KLF12: variants seen among roughly 807,000 people sequenced by gnomAD.
KLF12 encodes the protein Krueppel-like factor 12.
A neutral mutation model predicts 37.8 loss-of-function variants in KLF12; 9 were observed. The ratio of observed to expected loss-of-function variants is 0.24; its 90% confidence interval spans 0.14 to 0.42. The LOEUF is 0.42. Ranked by LOEUF, KLF12 falls within the 10% of genes least tolerant of loss-of-function variation. The pLI, the probability that KLF12 is intolerant of heterozygous loss-of-function variation, is 1.00. For synonymous variants in KLF12, 208 were observed against 202.1 expected (o/e 1.03, Z -0.25); for missense variants, 411 against 516.0 (o/e 0.80, Z 1.97).
chr13:74,171,023 C>T, the KLF12 span, among the ~76,000 whole-genome samples: 3 of 152,124 alleles, frequency 2.0e-5, no homozygotes, highest in African/African-American at 7.2e-5. Context: ...CCTCTGCCTC[C>T]CAAAGTTCTG....
chr13:74,099,482 T>C (rs924500446), intron 1 of KLF12, among the ~76,000 whole-genome samples: 5 of 152,234 alleles, frequency 3.3e-5, no homozygotes, highest in African/African-American at 1.2e-4. Flanking sequence ...AAGAACACTA[T>C]GTAAAATCAT....
At chr13:74,000,049 T>C (rs909147053) in intron 1 of KLF12, among the ~76,000 whole-genome samples, 8 of 152,156 alleles carry the variant, frequency 5.3e-5, no homozygotes, top group African/African-American at 1.9e-4. Context: ...ACCGGTATCA[T>C]AAGCCCTCCT....
intron 3 of KLF12, among the ~76,000 whole-genome samples, chr13:73,898,886 C>T (rs961432075): frequency 4.3e-4 from 66 of 152,302 alleles, no homozygotes; most frequent in African/African-American, 1.4e-3. Context: ...TCCCTCCTTA[C>T]GGCATTACAA....
At chr13:73,862,151 C>A (rs1885962513) in intron 3 of KLF12, among the ~76,000 whole-genome samples, 1 of 151,246 alleles carries the variant, frequency 6.6e-6, no homozygotes, top group African/African-American at 2.4e-5. Context: ...CACTAAGCAT[C>A]TGTCTTTCCA....
chr13:74,235,713 T>G, the KLF12 span, among the ~76,000 whole-genome samples: 2 of 152,180 alleles, frequency 1.3e-5, no homozygotes, highest in Non-Finnish European at 2.9e-5. Context: ...CTTTGAAGTA[T>G]GTAAGACATA....
chr13:74,251,266 C>T, the KLF12 span, among the ~76,000 whole-genome samples: 3 of 152,146 alleles, frequency 2.0e-5, no homozygotes, highest in African/African-American at 7.2e-5. Context: ...ATTCTCCTGC[C>T]CCAGCCTCTC....
At chr13:73,781,582 G>C (rs1017742333) in intron 5 of KLF12, among the ~76,000 whole-genome samples, 8 of 152,138 alleles carry the variant, frequency 5.3e-5, no homozygotes, top group Admixed American at 1.3e-4. Context: ...TAAATTTGTA[G>C]TCCCTGATTG....
At chr13:73,808,026 C>T (rs1882738784) in intron 5 of KLF12, among the ~76,000 whole-genome samples, 1 of 152,172 alleles carries the variant, frequency 6.6e-6, no homozygotes, top group South Asian at 2.1e-4. Flanking sequence ...CAAAGCTAAA[C>T]TTCACCTATT....
At chr13:74,033,791 T>A (rs1476037306) in intron 1 of KLF12, among the ~76,000 whole-genome samples, 1 of 152,160 alleles carries the variant, frequency 6.6e-6, no homozygotes, top group African/African-American at 2.4e-5. Context: ...ATTTTTGGAA[T>A]ATATTCCTAG....
chr13:74,122,661 C>G (rs1877698802), intron 1 of KLF12, among the ~76,000 whole-genome samples: 1 of 151,880 alleles, frequency 6.6e-6, no homozygotes, highest in Non-Finnish European at 1.5e-5. Context: ...AGTGAGTAGA[C>G]TATGAAATAA....
chr13:73,766,020 C>A (rs1879890302), intron 5 of KLF12, among the ~76,000 whole-genome samples: 1 of 152,236 alleles, frequency 6.6e-6, no homozygotes. Context: ...CGCCTAAGGG[C>A]CAACTGCAGT....
At chr13:74,143,709 C>T in the KLF12 span, among the ~76,000 whole-genome samples, 1 of 152,136 alleles carries the variant, frequency 6.6e-6, no homozygotes, top group Non-Finnish European at 1.5e-5. Flanking sequence ...TTCCAACCTA[C>T]AATTTTTTTA....
chr13:74,057,520 C>T (rs1468197036), intron 1 of KLF12, among the ~76,000 whole-genome samples: 1 of 152,158 alleles, frequency 6.6e-6, no homozygotes, highest in Non-Finnish European at 1.5e-5. Flanking sequence ...TAGTATAAGA[C>T]AAAATATCTA....
At chr13:74,260,578 T>A in the KLF12 span, among the ~76,000 whole-genome samples, 9 of 77,396 alleles carry the variant, frequency 1.2e-4, no homozygotes, top group African/African-American at 6.7e-4. Flanking sequence ...ATAAAATAAA[T>A]AAAATAAAAT....
intron 4 of KLF12, among the ~76,000 whole-genome samples, chr13:73,814,970 T>TC: frequency 6.6e-6 from 1 of 152,016 alleles, no homozygotes; most frequent in Non-Finnish European, 1.5e-5. Flanking sequence ...CCTATGCAAC[T>TC]ATGCTCTCAT....
chr13:73,997,673 C>T (rs1476719981), intron 1 of KLF12, among the ~76,000 whole-genome samples: 2 of 152,086 alleles, frequency 1.3e-5, no homozygotes, highest in Non-Finnish European at 2.9e-5. Flanking sequence ...AAATAGGTTT[C>T]TGAAATTATC....
intron 3 of KLF12, among the ~76,000 whole-genome samples, chr13:73,900,170 A>C (rs1430538520): frequency 6.6e-6 from 1 of 152,190 alleles, no homozygotes; most frequent in South Asian, 2.1e-4. Flanking sequence ...CAGGTTATTC[A>C]ATAATCTGAC....
chr13:73,814,765 A>T (rs1422568261), intron 4 of KLF12, among the ~76,000 whole-genome samples: 1 of 151,960 alleles, frequency 6.6e-6, no homozygotes, highest in African/African-American at 2.4e-5. Flanking sequence ...GGGGCGGGGG[A>T]TAGGGAGGGT....
chr13:73,760,100 GAC>G (rs1879449048), intron 6 of KLF12, among the ~76,000 whole-genome samples: 1 of 152,006 alleles, frequency 6.6e-6, no homozygotes, highest in South Asian at 2.1e-4. Context: ...AAAAATTTGT[GAC>G]ACAGAACTTT....
Sources: gnomAD v4.1 joint callset for allele counts (sites outside exome capture counted in the v4.1 genomes callset) on GRCh38, gnomAD v4.1.1 for gene constraint, MANE v1.5 for transcripts, NCBI Gene and HGNC (gene_info 2026-07-23, HGNC 2026-07-21) for gene names.